PPIP5K2: variants seen among roughly 807,000 people sequenced by gnomAD.
PPIP5K2 encodes the protein diphosphoinositol pentakisphosphate kinase 2.
Under a neutral mutation model 154.6 loss-of-function variants are expected in PPIP5K2, and 105 were observed. That is an observed-to-expected ratio of 0.68 (90% CI 0.58 to 0.80). PPIP5K2 has a LOEUF of 0.80. Ranked by LOEUF, PPIP5K2 falls within the 30% of genes least tolerant of loss-of-function variation. PPIP5K2 has a pLI of 0.00. For synonymous variants in PPIP5K2, 480 were observed against 490.3 expected (o/e 0.98, Z 0.28); for missense variants, 992 against 1,504.6 (o/e 0.66, Z 5.64).
chr5:103,186,337 C>T lies in PPIP5K2; in HGVS notation c.3187C>T (p.Leu1063=), dbSNP rs782520444. The part of the protein sequence containing the change: ...NPTVGSHCAG[L]FSTSVLGGSS... ...CCCATCAGGGTCTCACTGTGCGGGC[C>T]TGTTTAGCACCTCGGTGCTCGGGGG... The change falls in exon 27 of 31, where the codon CTG becomes TTG. Residue 1063 remains leucine (L), a synonymous_variant. Coordinates refer to ENST00000358359, the MANE Select transcript of PPIP5K2 (RefSeq NM_001276277.3). 1 of 1,613,786 alleles carries T rather than the reference C, an allele frequency of 6.2e-7. No individual in the cohort carries two copies. The highest frequency in any genetic ancestry group is 1.1e-5 in the South Asian group (1 of 91,080).
intron 24 of PPIP5K2, among the ~76,000 whole-genome samples, chr5:103,182,672 AG>A (rs1435195870): frequency 1.3e-5 from 2 of 152,204 alleles, no homozygotes; most frequent in Non-Finnish European, 2.9e-5. Flanking sequence ...ATAGCTTGAA[AG>A]TATAAACAGG....
rs77582921 is a variant in PPIP5K2 at position 103,147,896 on chromosome 5, G to A, written c.643-35G>A. The A allele has an allele frequency of 0.02, 25,034 of 1,241,746 alleles. 917 individuals carry two copies. The highest frequency in any genetic ancestry group is 0.16 in the African/African-American group (10,404 of 65,730). 76.9% of individuals were successfully genotyped at this position (1,241,746 alleles called of 1,614,324 possible). A position where few individuals can be genotyped will look rare whatever the true frequency, so the allele number is the denominator to read the frequency against. On this transcript the variant is annotated intron_variant, in intron 6 of 30. Transcript: ENST00000358359. ...ATCATAAAAATGAGGGAAATAATTT[G>A]CTTTTTTATATCGATGGACATCTTT...
chr5:103,175,502 A>G (rs564711573), intron 21 of PPIP5K2, among the ~76,000 whole-genome samples: 20 of 152,270 alleles, frequency 1.3e-4, no homozygotes, highest in Non-Finnish European at 2.2e-4. Flanking sequence ...TTTGACATAC[A>G]TAGAGGGTAT....
chr5:103,133,600 G>A lies in PPIP5K2; in HGVS notation c.262G>A (p.Val88Met). ...FEEEVILNEP[V>M]ENWPLCDCLI... ...AGAGGAGGTTATTTTGAATGAACCA[G>A]TGGAAAACTGGCCTTTATGTGATTG... is the stretch of plus-strand genomic sequence containing the variant. Residue 88 changes from valine to methionine, a missense_variant, in exon 3 of 31, where the codon GTG becomes ATG. Around this residue, in one of 9 missense-constraint regions of PPIP5K2, gnomAD observed 153 missense variants for 200.4 expected, o/e 0.76. Coordinates refer to ENST00000358359, the MANE Select transcript of PPIP5K2 (RefSeq NM_001276277.3). 6.2e-7 allele frequency: 1 copy of A among 1,611,532 alleles called. No homozygotes were observed. The highest frequency in any genetic ancestry group is 8.5e-7 in the Non-Finnish European group (1 of 1,179,074).
In PPIP5K2 at chr5:103,153,944, C is replaced by A. The variant is rs2149582096; in HGVS notation, c.1217+10C>A. ...AAGTGAGACATCAGAAGTATGTTTT[C>A]AGATGAATAATTTAACATGCATGAT... On this transcript the variant is annotated intron_variant, in intron 11 of 30. Transcript: ENST00000358359. The A allele has an allele frequency of 6.4e-7, 1 of 1,565,624 alleles. No individual in the cohort carries two copies. The highest frequency in any genetic ancestry group is 1.2e-5 in the South Asian group (1 of 86,752).
intron 21 of PPIP5K2, chr5:103,176,798 G>A (rs1554221062): frequency 3.7e-5 from 34 of 915,226 alleles, no homozygotes; most frequent in East Asian, 1.7e-4. Flanking sequence ...TTTCTACTTT[G>A]AATGCTTGTA....
rs554627544 is a variant in PPIP5K2 at position 103,150,484 on chromosome 5, G to A, written c.907-769G>A. On this transcript the variant is annotated intron_variant, in intron 8 of 30. Coordinates refer to ENST00000358359, the MANE Select transcript of PPIP5K2 (RefSeq NM_001276277.3). Reference sequence around the variant, plus strand: ...GGTATTAGGGGTTTAAAAGATCACAGGATTTCGACTGGGCGTGGTGGCTCA... The same window carrying A: ...GGTATTAGGGGTTTAAAAGATCACAAGATTTCGACTGGGCGTGGTGGCTCA... Among the ~76,000 whole-genome samples, 44 of 152,158 alleles carry A rather than the reference G, an allele frequency of 2.9e-4. 1 individual carries two copies. The South Asian group carries it at 9.1e-3, about 32-fold the overall frequency.
At chr5:103,162,330 A>G (rs558123092) in intron 17 of PPIP5K2, among the ~76,000 whole-genome samples, 1 of 150,322 alleles carries the variant, frequency 6.7e-6, no homozygotes, top group Non-Finnish European at 1.5e-5. Context: ...CTGAGCCTTA[A>G]TGATGTCATG....
chr5:103,173,370 T>C, intron 20 of PPIP5K2, 88 bp downstream of exon 20: 2 of 1,390,464 alleles, frequency 1.4e-6, no homozygotes, highest in Non-Finnish European at 2.0e-6. Context: ...TCCTATGAAG[T>C]CAGAAGTGTG....
intron 4 of PPIP5K2, among the ~76,000 whole-genome samples, chr5:103,137,829 T>A (rs1791803252): frequency 6.6e-6 from 1 of 152,176 alleles, no homozygotes; most frequent in Admixed American, 6.5e-5. Context: ...ATATGTGTTT[T>A]TATATATACA....
At chr5:103,151,830 T>A (rs1388556818) in intron 9 of PPIP5K2, among the ~76,000 whole-genome samples, 4 of 152,068 alleles carry the variant, frequency 2.6e-5, no homozygotes, top group Non-Finnish European at 5.9e-5. Context: ...TTCATAAGAT[T>A]ATCAAGTGAA....
At position 103,129,607 on chromosome 5, in the gene PPIP5K2, A is replaced by C; in HGVS notation, c.18A>C (p.Arg6Ser). 6.2e-7 allele frequency: 1 copy of C among 1,601,388 alleles called. No homozygotes were observed. The part of the protein sequence containing the change: MSEAP[R>S]FFVGPEDTEI... ...AAATAAAAATGAGTGAAGCCCCCAG[A>C]TTCTTCGTTGGACCAGAAGATACAG... Residue 6 changes from arginine to serine, a missense_variant, in exon 2 of 31, where the codon AGA becomes AGC. By Grantham distance (110) the Arg-to-Ser change is moderately radical. Around this residue, in one of 9 missense-constraint regions of PPIP5K2, gnomAD observed 153 missense variants for 200.4 expected, o/e 0.76. Coordinates refer to ENST00000358359, the MANE Select transcript of PPIP5K2 (RefSeq NM_001276277.3).
chr5:103,132,478 G>A (rs1020014634), intron 2 of PPIP5K2, among the ~76,000 whole-genome samples: 7 of 152,038 alleles, frequency 4.6e-5, no homozygotes, highest in Admixed American at 1.3e-4. Flanking sequence ...CCCGGGAGGC[G>A]GAGGTTGCAG....
Position 103,210,207 on chromosome 5 carries a change from C to T in PPIP5K2, c.*8573C>T, listed in dbSNP as rs1244667770. Reference sequence around the variant, plus strand: ...TTCAAAGTGAAAACTGATCAATTCACAACTCAAGGAAAGCATGGAGTAATT... The same window carrying T: ...TTCAAAGTGAAAACTGATCAATTCATAACTCAAGGAAAGCATGGAGTAATT... On this transcript the variant is annotated 3_prime_UTR_variant, in exon 31 of 31. Transcript: ENST00000358359. 6.6e-6 allele frequency: 1 copy of T among 152,134 alleles called. No individual in the cohort carries two copies. The highest frequency in any genetic ancestry group is 1.5e-5 in the Non-Finnish European group (1 of 68,020). The allele number at this position is 152,134 out of a possible 1,614,324, so 9.4% of individuals were successfully genotyped here. A position where few individuals can be genotyped will look rare whatever the true frequency, so the allele number is the denominator to read the frequency against.
Position 103,159,306 on chromosome 5 carries a change from T to A in PPIP5K2, c.1898T>A (p.Phe633Tyr), listed in dbSNP as rs1795867037. The A allele has an allele frequency of 1.2e-6, 2 of 1,609,670 alleles. No homozygotes were observed. The highest frequency in any genetic ancestry group is 2.7e-5 in the African/African-American group (2 of 74,618). ...LHEILQKDRD[F>Y]TAEDYEKLTP... ...GAAATACTTCAGAAAGACAGAGATT[T>A]TACTGCTGAAGATTATGAAAAGGTG... is the stretch of plus-strand genomic sequence containing the variant. The change falls in exon 17 of 31, where the codon TTT becomes TAT. Residue 633 changes from phenylalanine (F) to tyrosine (Y), a missense_variant. Physicochemically the swap from Phe to Tyr is conservative, Grantham distance 22. Coordinates refer to ENST00000358359, the MANE Select transcript of PPIP5K2 (RefSeq NM_001276277.3).
At chr5:103,152,134 C>T (rs1235464680) in intron 9 of PPIP5K2, among the ~76,000 whole-genome samples, 1 of 151,842 alleles carries the variant, frequency 6.6e-6, no homozygotes, top group Non-Finnish European at 1.5e-5. Context: ...CAAACTTACC[C>T]TTAAAGTGAT....
intron 29 of PPIP5K2, among the ~76,000 whole-genome samples, chr5:103,194,317 C>CT (rs1403605894): frequency 2.6e-5 from 4 of 152,040 alleles, no homozygotes; most frequent in Non-Finnish European, 5.9e-5. Context: ...ACAGGCCCAG[C>CT]TAATTTTTAA....
At position 103,149,132 on chromosome 5, in the gene PPIP5K2, T is replaced by G. The variant is rs782617517; in HGVS notation, c.745-20T>G. On this transcript the variant is annotated intron_variant, in intron 7 of 30. Transcript: ENST00000358359. ...CACATACATATATATATTTATACAT[T>G]TATTAAACATTTGTGAAAGGTTTAT... 6.3e-7 allele frequency: 1 copy of G among 1,576,162 alleles called. No homozygotes were observed. The highest frequency in any genetic ancestry group is 1.2e-5 in the South Asian group (1 of 86,072).
rs1803286452 is a variant in PPIP5K2 at position 103,203,438 on chromosome 5, A to G, written c.*1804A>G. 1 of 152,226 alleles carries G rather than the reference A, an allele frequency of 6.6e-6. No homozygotes were observed. The highest frequency in any genetic ancestry group is 1.5e-5 in the Non-Finnish European group (1 of 68,034). 9.4% of individuals were successfully genotyped at this position (152,226 alleles called of 1,614,324 possible). A position where few individuals can be genotyped will look rare whatever the true frequency, so the allele number is the denominator to read the frequency against. On this transcript the variant is annotated 3_prime_UTR_variant, in exon 31 of 31. Transcript: ENST00000358359. ...CTTTCCTGTAGTCACCAAACTCAGTAGTATTGCTCTGTAGACTAGACACTC... is the reference window on the plus strand; with the variant it reads ...CTTTCCTGTAGTCACCAAACTCAGTGGTATTGCTCTGTAGACTAGACACTC...
Sources: gnomAD v4.1 joint callset for allele counts (sites outside exome capture counted in the v4.1 genomes callset) on GRCh38, gnomAD v4.1.1 for gene constraint, gnomAD v4.1.1 regional missense constraint, MANE v1.5 for transcripts, NCBI Gene and HGNC (gene_info 2026-07-23, HGNC 2026-07-21) for gene names.